Variants in EEF2 observed in about 807,000 individuals in gnomAD.
EEF2 encodes eukaryotic translation elongation factor 2, also known as elongation factor 2.
In EEF2, 21 loss-of-function variants were observed where a neutral mutation model predicts 85.3. The ratio of observed to expected loss-of-function variants is 0.25; its 90% CI spans 0.17 to 0.35. The LOEUF is 0.35. EEF2 is among the 10% of genes least tolerant of loss of function. The probability of loss-of-function intolerance (pLI) is 1.00; values close to 1 mark genes in which losing one functional copy is unlikely to be tolerated. For missense variants in EEF2, 825 were observed against 1,225.3 expected (o/e 0.67, Z 4.88); for synonymous variants, 723 against 508.8 (o/e 1.42, Z -5.67).
Position 3,982,057 on chromosome 19 carries a change from C to T in EEF2, c.792-5G>A. 1 of 1,613,992 alleles carries T rather than the reference C, an allele frequency of 6.2e-7. No individual in the cohort carries two copies. The highest frequency in any genetic ancestry group is 8.5e-7 in the Non-Finnish European group (1 of 1,179,906). ...CCGTTGGCTGGGTCAAAGTACCTGG[C>T]AAGGAGAGGCCAAGCCAAATCAAGT... On this transcript the variant is annotated splice_polypyrimidine_tract_variant and splice_region_variant and intron_variant, in intron 5 of 14. Coordinates refer to ENST00000309311, the MANE Select transcript of EEF2 (RefSeq NM_001961.4).
At chr19:3,982,172 G>A (rs1000527322) in intron 5 of EEF2, 74 bp downstream of exon 5, 92 of 1,600,542 alleles carry the variant, frequency 5.7e-5, no homozygotes, top group Non-Finnish European at 7.3e-5. Context: ...GCTGTGAATA[G>A]CACACCACGC....
Position 3,977,916 on chromosome 19 carries a change from G to C in EEF2, c.1970C>G (p.Thr657Ser), listed in dbSNP as rs142731069. 6.2e-7 allele frequency: 1 copy of C among 1,613,650 alleles called. No homozygotes were observed. ...RKIWCFGPDG[T>S]GPNILTDITK... is the part of the protein sequence containing the mutation. ...GATGTCGGTGAGGATGTTGGGGCCG[G>C]TGCCGTCGGGCCCAAAGCACCAGAT... is the stretch of plus-strand genomic sequence containing the variant. The change falls in exon 12 of 15, where the codon ACC (threonine) becomes AGC (serine). Residue 657 changes from threonine (T) to serine (S), a missense_variant. Coordinates refer to ENST00000309311, the MANE Select transcript of EEF2 (RefSeq NM_001961.4). The surrounding 1 kb of genome is among the most constrained non-coding windows in gnomAD (Gnocchi z 5.4).
chr19:3,979,508 C>T (rs2039719216), intron 10 of EEF2, 72 bp from the exon 11 acceptor site: 8 of 1,356,916 alleles, frequency 5.9e-6, no homozygotes, highest in Admixed American at 3.9e-5. Context: ...CCCAGCTTCC[C>T]TTTAGCTAGG....
At position 3,977,431 on chromosome 19, in the gene EEF2, G is replaced by T; in HGVS notation, c.2247C>A (p.Ile749=). The change falls in exon 13 of 15, where the codon ATC becomes ATA. Residue 749 remains isoleucine (I), a synonymous_variant. Transcript: ENST00000309311. This position sits in a 1 kb window ranked among gnomAD's most constrained non-coding sequence, Gnocchi z 5.4. The stretch of plus-strand genomic sequence containing the variant: ...GCGGTGGGCGGGTAGACCTCACCTG[G>T]ATCTCCACAAGGTAGATGGGCTCCA... ...RLMEPIYLVE[I]QCPEQVVGGI... 1.1e-5 allele frequency: 17 copies of T among 1,584,154 alleles called. No individual in the cohort carries two copies. Among genetic ancestry groups the T allele is most frequent in the Middle Eastern group, 1.7e-4 (1 of 5,954 alleles).
rs775626610 is a variant in EEF2 at position 3,979,889 on chromosome 19, G to T, written c.1524C>A (p.Ala508=). Residue 508 remains alanine (A), a synonymous_variant, in exon 10 of 15, where the codon GCC becomes GCA. Transcript: ENST00000309311. ...KFSVSPVVRV[A]VEAKNPADLP... is the part of the protein sequence containing the mutation. ...GGTCAGCCGGGTTCTTGGCCTCCAC[G>T]GCCACTCTGACAACAGGGCTGACGC... is the stretch of plus-strand genomic sequence containing the variant. 1 of 1,613,846 alleles carries T rather than the reference G, an allele frequency of 6.2e-7. No homozygotes were observed.
rs563082396 is a variant in EEF2, at chr19:3,985,435, C to T, written c.-55G>A. 7.6e-6 allele frequency: 11 copies of T among 1,455,544 alleles called. No homozygotes were observed. The highest frequency in any genetic ancestry group is 5.4e-5 in the Admixed American group (2 of 36,900). The allele number at this position is 1,455,544 out of a possible 1,614,324, so 90.2% of individuals were successfully genotyped here. A position where few individuals can be genotyped will look rare whatever the true frequency, so the allele number is the denominator to read the frequency against. The stretch of plus-strand genomic sequence containing the variant: ...TAGAACCGAAAGAAGCGAGTCGCGC[C>T]GAGGATGGCGGCGACGACGGCGGAA... On this transcript the variant is annotated 5_prime_UTR_variant, in exon 1 of 15. Transcript: ENST00000309311.
Position 3,985,447 on chromosome 19 carries a change from C to T in EEF2, c.-67G>A. The T allele has an allele frequency of 1.4e-6, 2 of 1,430,268 alleles. No homozygotes were observed. The highest frequency in any genetic ancestry group is 1.8e-6 in the Non-Finnish European group (2 of 1,083,942). 88.6% of individuals were successfully genotyped at this position (1,430,268 alleles called of 1,614,324 possible). A position where few individuals can be genotyped will look rare whatever the true frequency, so the allele number is the denominator to read the frequency against. On this transcript the variant is annotated 5_prime_UTR_variant, in exon 1 of 15. Coordinates refer to ENST00000309311, the MANE Select transcript of EEF2 (RefSeq NM_001961.4). ...AAGCGAGTCGCGCCGAGGATGGCGG[C>T]GACGACGGCGGAAGAGAACGCTGAC...
At position 3,977,376 on chromosome 19, in the gene EEF2, T is replaced by C. The variant is rs746524810; in HGVS notation, c.2251-29A>G. ...CCAGAAGGGAAAGAAAACCTGTCAG[T>C]GGCCGCTGGGCAGGACGGTGGCAGG... On this transcript the variant is annotated intron_variant, in intron 13 of 14. Coordinates refer to ENST00000309311, the MANE Select transcript of EEF2 (RefSeq NM_001961.4). The surrounding 1 kb of genome is among the most constrained non-coding windows in gnomAD (Gnocchi z 5.4). 3.8e-6 allele frequency: 6 copies of C among 1,591,858 alleles called. No homozygotes were observed. Among genetic ancestry groups the C allele is most frequent in the Admixed American group, 3.6e-5 (2 of 54,810 alleles).
chr19:3,981,479 A>AGCCCATTT (rs1281189794), intron 6 of EEF2, 27 bp from the exon 7 acceptor site: 1 of 1,605,150 alleles, frequency 6.2e-7, no homozygotes, highest in South Asian at 1.1e-5. Flanking sequence ...GAAACAAGAA[A>AGCCCATTT]GCCCATTTGG....
In EEF2 at chr19:3,980,917, C is replaced by A. The variant is rs777443501; in HGVS notation, c.1074G>T (p.Leu358=). The stretch of plus-strand genomic sequence containing the variant: ...ACTTCTGGGCCGTCACAGGGGAGGG[C>A]AGGTGGATGGTGATCATCTGCAACA... ...DALLQMITIH[L]PSPVTAQKYR... Residue 358 remains leucine (L), a synonymous_variant, in exon 8 of 15, where the codon CTG becomes CTT. Coordinates refer to ENST00000309311, the MANE Select transcript of EEF2 (RefSeq NM_001961.4). 210 of 1,568,954 alleles carry A rather than the reference C, an allele frequency of 1.3e-4. 1 individual carries two copies. The highest frequency in any genetic ancestry group is 1.2e-4 in the Non-Finnish European group (141 of 1,158,038).
rs368261907 is a variant in EEF2, at chr19:3,985,368, G to T, written c.3+10C>A. ...CCGCTCCGGGGCACCAGCGAGGCAGGGTTACTCACCATGGTGGCGGATGGC... is the reference window on the plus strand; with the variant it reads ...CCGCTCCGGGGCACCAGCGAGGCAGTGTTACTCACCATGGTGGCGGATGGC... On this transcript the variant is annotated intron_variant, in intron 1 of 14. Coordinates refer to ENST00000309311, the MANE Select transcript of EEF2 (RefSeq NM_001961.4). The T allele has an allele frequency of 2.0e-6, 3 of 1,503,744 alleles. No homozygotes were observed. Among genetic ancestry groups the T allele is most frequent in the Non-Finnish European group, 2.7e-6 (3 of 1,121,410 alleles). 93.2% of individuals were successfully genotyped at this position (1,503,744 alleles called of 1,614,324 possible).
intron 2 of EEF2, among the ~76,000 whole-genome samples, chr19:3,983,681 C>G (rs558426111): frequency 6.6e-6 from 1 of 152,118 alleles, no homozygotes; most frequent in Non-Finnish European, 1.5e-5. Flanking sequence ...TAGCCAGAGT[C>G]CCTCACCAAT....
Position 3,983,224 on chromosome 19 carries a change from C to A in EEF2, c.286G>T (p.Ala96Ser), listed in dbSNP as rs1242396370. The change falls in exon 3 of 15, where the codon GCC (alanine) becomes TCC (serine). Residue 96 changes from alanine (A) to serine (S), a missense_variant. Coordinates refer to ENST00000309311, the MANE Select transcript of EEF2 (RefSeq NM_001961.4). ...LNFIKQSKDG[A>S]GFLINLIDSP... Reference sequence around the variant, plus strand: ...TCAATGAGGTTGATGAGGAAGCCGGCACCGTCCTTGCTCTGCTTGATGAAG... The same window carrying A: ...TCAATGAGGTTGATGAGGAAGCCGGAACCGTCCTTGCTCTGCTTGATGAAG... 8 of 1,614,050 alleles carry A rather than the reference C, an allele frequency of 5.0e-6. No individual in the cohort carries two copies. The highest frequency in any genetic ancestry group is 6.8e-6 in the Non-Finnish European group (8 of 1,180,008).
At chr19:3,982,623 C>T in intron 4 of EEF2, 184 bp downstream of exon 4, 1 of 1,062,172 alleles carries the variant, frequency 9.4e-7, no homozygotes, top group Non-Finnish European at 1.4e-6. Flanking sequence ...GAGCTCGTCT[C>T]TTCCAGCTGC....
Position 3,980,690 on chromosome 19 carries a change from G to A in EEF2, c.1170C>T (p.Pro390=), listed in dbSNP as rs773133660. 33 of 1,613,640 alleles carry A rather than the reference G, an allele frequency of 2.0e-5. No homozygotes were observed. The highest frequency in any genetic ancestry group is 4.5e-5 in the East Asian group (2 of 44,876). The change falls in exon 9 of 15, where the codon CCC becomes CCT. Residue 390 remains proline (P), a synonymous_variant. Coordinates refer to ENST00000309311, the MANE Select transcript of EEF2 (RefSeq NM_001961.4). ...AAATATACATCATAAGAGGGCCTTT[G>A]GGGTCACAGCTTTTAATGCCTGAGG... The part of the protein sequence containing the change: ...EAAMGIKSCD[P]KGPLMMYISK...
rs575523824 is a variant in EEF2, at chr19:3,982,325, C to G, written c.712G>C (p.Ala238Pro). 3 of 1,614,144 alleles carry G rather than the reference C, an allele frequency of 1.9e-6. No individual in the cohort carries two copies. The highest frequency in any genetic ancestry group is 2.5e-6 in the Non-Finnish European group (3 of 1,180,020). The change falls in exon 5 of 15, where the codon GCC becomes CCC. Residue 238 changes from alanine (A) to proline (P), a missense_variant. Coordinates refer to ENST00000309311, the MANE Select transcript of EEF2 (RefSeq NM_001961.4). Reference protein sequence around the residue: ...FAEMYVAKFAAKGEGQLGPAE... With the variant: ...FAEMYVAKFAPKGEGQLGPAE... The stretch of plus-strand genomic sequence containing the variant: ...GGCCCCAACTGGCCCTCCCCCTTGG[C>G]GGCGAACTTGGCCACATACATCTCG...
intron 7 of EEF2, 24 bp downstream of exon 7, chr19:3,981,315 C>T (rs1267532040): frequency 1.2e-6 from 2 of 1,608,720 alleles, no homozygotes; most frequent in South Asian, 1.1e-5. Context: ...TCCCTCCACC[C>T]CGAGGGCTGG....
rs979480588 is a variant in EEF2 at position 3,983,332 on chromosome 19, C to T, written c.219-41G>A. The T allele has an allele frequency of 2.5e-6, 4 of 1,592,646 alleles. No individual in the cohort carries two copies. In the African/African-American group the frequency reaches 4.0e-5, roughly 16 times the overall value. Reference sequence around the variant, plus strand: ...ACTCGTCAGGGGGACAGGAGCCACACACCTGGCCCAGGGAGTCTGGGATGC... The same window carrying T: ...ACTCGTCAGGGGGACAGGAGCCACATACCTGGCCCAGGGAGTCTGGGATGC... On this transcript the variant is annotated intron_variant, in intron 2 of 14. Transcript: ENST00000309311.
chr19:3,977,780 G>C lies in EEF2; in HGVS notation c.2067+39C>G, dbSNP rs949175987. 1.3e-5 allele frequency: 20 copies of C among 1,530,086 alleles called. No individual in the cohort carries two copies. The highest frequency in any genetic ancestry group is 1.8e-5 in the Non-Finnish European group (20 of 1,136,636). 94.8% of individuals were successfully genotyped at this position (1,530,086 alleles called of 1,614,324 possible). ...GACCATGAGGTCCCTCTAGAGCCTG[G>C]AAACGGGTGTGGTCTGCACATGCTG... On this transcript the variant is annotated intron_variant, in intron 12 of 14. Coordinates refer to ENST00000309311, the MANE Select transcript of EEF2 (RefSeq NM_001961.4). This position sits in a 1 kb window ranked among gnomAD's most constrained non-coding sequence, Gnocchi z 5.4.
Sources: allele counts gnomAD v4.1 joint callset (sites outside exome capture counted in the v4.1 genomes callset), GRCh38; gene constraint gnomAD v4.1.1; non-coding constraint Gnocchi (gnomAD v3.1); transcripts MANE v1.5; gene names NCBI Gene and HGNC (gene_info 2026-07-23, HGNC 2026-07-21).